Variants in ADAMTSL1 observed in about 807,000 individuals in gnomAD.
The protein encoded by ADAMTSL1 is ADAMTS like 1.
ADAMTSL1 carries 126 observed loss-of-function variants against 201.8 expected under a neutral mutation model. The observed-to-expected ratio is 0.62, with a 90% CI of 0.54 to 0.72. The LOEUF is 0.72. Ranked by LOEUF, ADAMTSL1 falls within the 30% of genes least tolerant of loss-of-function variation. The probability of loss-of-function intolerance (pLI) is 0.00; values close to 1 mark genes in which losing one functional copy is unlikely to be tolerated. For synonymous variants in ADAMTSL1, 1,121 were observed against 903.4 expected, an observed-to-expected ratio of 1.24 and a Z score of -4.32; for missense variants, 2,679 against 2,277.8, an observed-to-expected ratio of 1.18 and a Z score of -3.59.
At chr9:18,067,946 A>C (rs1306484639) in intron 1 of ADAMTSL1, among the ~76,000 whole-genome samples, 1 of 152,002 alleles carries the variant, frequency 6.6e-6, no homozygotes. Context: ...AGCACAGAGG[A>C]TTTAGAGTAG....
intron 10 of ADAMTSL1, 43 bp from the exon 11 acceptor site, chr9:18,680,269 G>A (rs1323916667): frequency 3.1e-6 from 5 of 1,587,304 alleles, no homozygotes; most frequent in Non-Finnish European, 4.3e-6. Flanking sequence ...AGGAGGCTTA[G>A]CAATGTGCAT....
chr9:18,032,667 C>T (rs1046682216), intron 1 of ADAMTSL1, among the ~76,000 whole-genome samples: 1 of 152,172 alleles, frequency 6.6e-6, no homozygotes, highest in Non-Finnish European at 1.5e-5. Context: ...TGTAGCTGCC[C>T]CTTGTAAGCT....
At chr9:18,777,941 G>A (rs750242515) in intron 19 of ADAMTSL1, 35 bp downstream of exon 19, 2 of 1,516,912 alleles carry the variant, frequency 1.3e-6, no homozygotes, top group Non-Finnish European at 1.8e-6. Context: ...TTGGGAGGGA[G>A]GCAAGGGGCC....
chr9:18,474,107 A>T, upstream of ADAMTSL1: 15 of 440,230 alleles, frequency 3.4e-5, no homozygotes, highest in East Asian at 6.3e-5. Flanking sequence ...AGGAAATGTG[A>T]GAGGGGCTGA....
chr9:18,484,770 G>C (rs551858107), intron 1 of ADAMTSL1, among the ~76,000 whole-genome samples: 2 of 152,294 alleles, frequency 1.3e-5, no homozygotes, highest in South Asian at 4.1e-4. Context: ...TAAGAAACTC[G>C]ATCAGTGGGT....
At chr9:17,907,494 T>G (rs1825762744) in intron 1 of ADAMTSL1, among the ~76,000 whole-genome samples, 1 of 152,182 alleles carries the variant, frequency 6.6e-6, no homozygotes, top group South Asian at 2.1e-4. Context: ...CTCCGCGGTC[T>G]AGAGGTGGCT....
At chr9:17,931,540 T>G (rs1826789193) in intron 1 of ADAMTSL1, among the ~76,000 whole-genome samples, 1 of 152,106 alleles carries the variant, frequency 6.6e-6, no homozygotes, top group South Asian at 2.1e-4. Flanking sequence ...TTCAAAGAAG[T>G]TAGTTTGCAA....
At chr9:18,040,022 C>G (rs1252500942) in intron 1 of ADAMTSL1, among the ~76,000 whole-genome samples, 13 of 151,960 alleles carry the variant, frequency 8.6e-5, no homozygotes, top group Admixed American at 8.5e-4. Context: ...CCAGGATGGT[C>G]CTGACTTATG....
intron 1 of ADAMTSL1, among the ~76,000 whole-genome samples, chr9:18,070,594 C>T (rs537995355): frequency 2.6e-5 from 4 of 152,162 alleles, no homozygotes; most frequent in African/African-American, 4.8e-5. Context: ...GGAAAGATTT[C>T]GGTATTCTAG....
chr9:18,036,067 A>G (rs1165567055), intron 1 of ADAMTSL1, among the ~76,000 whole-genome samples: 1 of 152,156 alleles, frequency 6.6e-6, no homozygotes, highest in African/African-American at 2.4e-5. Context: ...CTCATGTAGG[A>G]GGTCACTGAA....
intron 1 of ADAMTSL1, among the ~76,000 whole-genome samples, chr9:18,478,788 T>C (rs367987565): frequency 1.3e-4 from 20 of 152,332 alleles, no homozygotes; most frequent in African/African-American, 3.1e-4. Flanking sequence ...GTTAACTGTA[T>C]TGAGATAATC....
At chr9:18,268,523 T>A (rs1832228504) in intron 2 of ADAMTSL1, among the ~76,000 whole-genome samples, 1 of 152,136 alleles carries the variant, frequency 6.6e-6, no homozygotes, top group Admixed American at 6.6e-5. Context: ...CTATGACACA[T>A]GTGTGAAGCA....
intron 2 of ADAMTSL1, among the ~76,000 whole-genome samples, chr9:18,299,366 A>G (rs1209913587): frequency 2.0e-5 from 3 of 152,204 alleles, no homozygotes; most frequent in Non-Finnish European, 4.4e-5. Context: ...AGTATTTCAT[A>G]TCTTATTTTT....
At chr9:18,420,590 C>G (rs74921612) in intron 2 of ADAMTSL1, among the ~76,000 whole-genome samples, 12,610 of 152,178 alleles carry the variant, frequency 0.083, 699 homozygotes, top group Non-Finnish European at 0.13. Flanking sequence ...GCTGTGCCCA[C>G]TCACCTGTGT....
chr9:18,349,987 A>G (rs528474937), intron 2 of ADAMTSL1, among the ~76,000 whole-genome samples: 83 of 152,066 alleles, frequency 5.5e-4, no homozygotes, highest in Middle Eastern at 3.4e-3. Flanking sequence ...AAAGACAAAG[A>G]TACACAAAAA....
chr9:18,316,178 A>G (rs1317718862), intron 2 of ADAMTSL1, among the ~76,000 whole-genome samples: 1 of 152,140 alleles, frequency 6.6e-6, no homozygotes, highest in Admixed American at 6.5e-5. Context: ...ATAGAATATC[A>G]CAAGGCAAGT....
At chr9:18,302,274 A>G (rs1308585185) in intron 2 of ADAMTSL1, among the ~76,000 whole-genome samples, 1 of 152,126 alleles carries the variant, frequency 6.6e-6, no homozygotes, top group Non-Finnish European at 1.5e-5. Context: ...TCCTACCTCA[A>G]TGAGATACTG....
intron 2 of ADAMTSL1, among the ~76,000 whole-genome samples, chr9:18,275,227 G>C (rs1442946222): frequency 6.6e-6 from 1 of 152,134 alleles, no homozygotes; most frequent in East Asian, 1.9e-4. Flanking sequence ...AACAAAATGA[G>C]GGTGAGAGAG....
At chr9:18,189,085 C>G (rs1006369713) in intron 2 of ADAMTSL1, among the ~76,000 whole-genome samples, 12 of 152,168 alleles carry the variant, frequency 7.9e-5, no homozygotes, top group African/African-American at 2.6e-4. Flanking sequence ...AAAGCTGTAT[C>G]CTAAGTAAAT....
Sources: gnomAD v4.1 joint callset for allele counts (sites outside exome capture counted in the v4.1 genomes callset) on GRCh38, gnomAD v4.1.1 for gene constraint, MANE v1.5 for transcripts, NCBI Gene and HGNC (gene_info 2026-07-23, HGNC 2026-07-21) for gene names.